The following CEP128 variants were observed in gnomAD, a reference collection of about 807,000 sequenced individuals.
CEP128 encodes centrosomal protein 128.
Under a neutral mutation model 156.7 loss-of-function variants are expected in CEP128, and 132 were observed. That is an observed-to-expected ratio of 0.84 (90% CI 0.73 to 0.97). CEP128 has a LOEUF of 0.97. CEP128 is among the 50% of genes least tolerant of loss of function. The pLI, the probability that CEP128 is intolerant of heterozygous loss-of-function variation, is 0.00. For missense variants in CEP128, 1,252 were observed against 1,281.9 expected, an observed-to-expected ratio of 0.98 and a Z score of 0.36; for synonymous variants, 469 against 448.9, an observed-to-expected ratio of 1.04 and a Z score of -0.57.
At chr14:80,575,281 T>C (rs1336893155) in intron 20 of CEP128, among the ~76,000 whole-genome samples, 7 of 152,160 alleles carry the variant, frequency 4.6e-5, no homozygotes, top group South Asian at 4.1e-4. Context: ...AAAATACTTA[T>C]GACAACATTT....
intron 19 of CEP128, among the ~76,000 whole-genome samples, chr14:80,664,381 T>C (rs1256186262): frequency 6.6e-6 from 1 of 151,870 alleles, no homozygotes; most frequent in Non-Finnish European, 1.5e-5. Flanking sequence ...TTTAGCAAAT[T>C]AGCTATTTTA....
intron 13 of CEP128, among the ~76,000 whole-genome samples, chr14:80,815,288 T>TACA (rs1321888123): frequency 6.6e-6 from 1 of 152,086 alleles, no homozygotes; most frequent in Non-Finnish European, 1.5e-5. Context: ...AAAGAAGACA[T>TACA]ACATGGCCAA....
At chr14:80,818,559 C>A (rs1004427323) in intron 13 of CEP128, among the ~76,000 whole-genome samples, 4 of 152,228 alleles carry the variant, frequency 2.6e-5, no homozygotes, top group Non-Finnish European at 5.9e-5. Context: ...CCAAAGACAG[C>A]CATCTAGAGG....
At chr14:80,879,032 A>G (rs1201362119) in intron 8 of CEP128, among the ~76,000 whole-genome samples, 3 of 152,192 alleles carry the variant, frequency 2.0e-5, no homozygotes, top group African/African-American at 7.2e-5. Context: ...CACTGTCACT[A>G]CCACAAATTC....
rs200920123 is a variant in CEP128, at chr14:80,938,071, A to AT, written c.-16+1313dup. ...GCCACCATGCCTGGCTAATTTTTTG[A>AT]TTTTTTTGTAGAGACGGGGTCTTGC... On this transcript the variant is annotated intron_variant, in intron 2 of 24. Transcript: ENST00000555265. Among the ~76,000 whole-genome samples, 660 of 149,126 alleles carry AT rather than the reference A, an allele frequency of 4.4e-3. 6 individuals are homozygous for AT. The highest frequency in any genetic ancestry group is 0.015 in the African/African-American group (605 of 40,358).
intron 13 of CEP128, among the ~76,000 whole-genome samples, chr14:80,822,066 G>A (rs1380598438): frequency 1.3e-5 from 2 of 152,030 alleles, no homozygotes; most frequent in African/African-American, 4.8e-5. Context: ...CTTCCACCAG[G>A]TCCCTCCCAC....
chr14:80,486,101 T>C (rs1887158640), downstream of CEP128, among the ~76,000 whole-genome samples: 1 of 152,174 alleles, frequency 6.6e-6, no homozygotes, highest in Non-Finnish European at 1.5e-5. Flanking sequence ...AGCTTCTAAA[T>C]GGGACCTATT....
At chr14:80,595,065 G>C (rs1892253680) in intron 19 of CEP128, among the ~76,000 whole-genome samples, 1 of 152,112 alleles carries the variant, frequency 6.6e-6, no homozygotes, top group Admixed American at 6.5e-5. Flanking sequence ...CAAAGACTTG[G>C]AACCAACCCA....
intron 17 of CEP128, among the ~76,000 whole-genome samples, chr14:80,758,976 T>G (rs1899819185): frequency 6.6e-6 from 1 of 152,218 alleles, no homozygotes; most frequent in Non-Finnish European, 1.5e-5. Flanking sequence ...GCCCATCGTC[T>G]TCATGCTCTA....
intron 1 of CEP128, among the ~76,000 whole-genome samples, chr14:80,958,731 T>G (rs1244843273): frequency 6.6e-6 from 1 of 152,120 alleles, no homozygotes; most frequent in African/African-American, 2.4e-5. Context: ...AAACCAAGTT[T>G]TTGTCATTAA....
intron 4 of CEP128, among the ~76,000 whole-genome samples, chr14:80,909,116 TTAC>T (rs1884055417): frequency 2.1e-5 from 1 of 47,476 alleles, no homozygotes; most frequent in South Asian, 1.1e-3. Flanking sequence ...AATATAAGAC[TTAC>T]CCTTCTGGAC....
At chr14:80,812,121 T>C (rs1378369738) in intron 13 of CEP128, among the ~76,000 whole-genome samples, 2 of 152,204 alleles carry the variant, frequency 1.3e-5, no homozygotes, top group Non-Finnish European at 2.9e-5. Flanking sequence ...AATCACTGTT[T>C]AGCTCCCACT....
chr14:80,570,414 C>A (rs1302418045), intron 20 of CEP128, among the ~76,000 whole-genome samples: 1 of 152,096 alleles, frequency 6.6e-6, no homozygotes, highest in Non-Finnish European at 1.5e-5. Flanking sequence ...TCGTGCCCGG[C>A]CCATATGTTC....
intron 8 of CEP128, among the ~76,000 whole-genome samples, chr14:80,869,263 C>T (rs971537362): frequency 1.3e-5 from 2 of 151,916 alleles, no homozygotes; most frequent in African/African-American, 2.4e-5. Flanking sequence ...AAATAAGTGT[C>T]CCTTTAGATC....
chr14:80,571,854 G>C (rs1256784569), intron 20 of CEP128, among the ~76,000 whole-genome samples: 6 of 152,170 alleles, frequency 3.9e-5, no homozygotes, highest in Non-Finnish European at 5.9e-5. Flanking sequence ...CTTAAGTATA[G>C]TAGTATAGAA....
At chr14:80,787,076 T>C (rs866439861) in intron 14 of CEP128, among the ~76,000 whole-genome samples, 1 of 152,216 alleles carries the variant, frequency 6.6e-6, no homozygotes, top group Non-Finnish European at 1.5e-5. Flanking sequence ...TATTGCTTCA[T>C]AACAATTTCC....
At chr14:80,729,120 T>TGTGTGTGTGTGTGTGC (rs1367468015) in intron 19 of CEP128, among the ~76,000 whole-genome samples, 2 of 97,640 alleles carry the variant, frequency 2.0e-5, no homozygotes, top group African/African-American at 5.9e-5. Context: ...TGTGTGTGTG[T>TGTGTGTGTGTGTGTGC]GTGTGTGTTT....
Position 80,930,803 on chromosome 14 carries a change from C to A in CEP128, c.-16+8582G>T, listed in dbSNP as rs558562574. ...CACTTCATCAAATGCATCTGTACTGCGAGCATCATTCTCAGTGGCTAACCA... is the reference window on the plus strand; with the variant it reads ...CACTTCATCAAATGCATCTGTACTGAGAGCATCATTCTCAGTGGCTAACCA... On this transcript the variant is annotated intron_variant, in intron 2 of 24. Coordinates refer to ENST00000555265, the MANE Select transcript of CEP128 (RefSeq NM_152446.5). Among the ~76,000 whole-genome samples the A allele has an allele frequency of 1.2e-3, 179 of 152,342 alleles. 5 individuals carry two copies. The highest frequency in any genetic ancestry group is 1.2e-3 in the Non-Finnish European group (85 of 68,038).
rs1887519032 is a variant in CEP128 at position 80,496,964 on chromosome 14, T to C, written c.*515A>G. On this transcript the variant is annotated 3_prime_UTR_variant, in exon 25 of 25. Transcript: ENST00000555265. ...ATGATAGATATAAAAGTCCTGAGCATTTATAAAGTGGACTGTCTAATGTTA... is the reference window on the plus strand; with the variant it reads ...ATGATAGATATAAAAGTCCTGAGCACTTATAAAGTGGACTGTCTAATGTTA... The C allele has an allele frequency of 6.6e-6, 1 of 152,432 alleles. No individual in the cohort carries two copies. The highest frequency in any genetic ancestry group is 6.5e-5 in the Admixed American group (1 of 15,274). 9.4% of individuals were successfully genotyped at this position (152,432 alleles called of 1,614,324 possible). A position where few individuals can be genotyped will look rare whatever the true frequency, so the allele number is the denominator to read the frequency against.
Sources: gnomAD v4.1 joint callset for allele counts (sites outside exome capture counted in the v4.1 genomes callset) on GRCh38, gnomAD v4.1.1 for gene constraint, MANE v1.5 for transcripts, NCBI Gene and HGNC (gene_info 2026-07-23, HGNC 2026-07-21) for gene names.